Variants in INSL6 observed in about 807,000 individuals in gnomAD.
The protein encoded by INSL6 is insulin-like peptide INSL6.
A neutral mutation model predicts 9.4 loss-of-function variants in INSL6; 16 were observed. That is an observed-to-expected ratio of 1.70 (90% confidence interval 1.15 to 2.59). INSL6 has a LOEUF of 2.59. Among genes scored for constraint, INSL6 ranks in the 30% most tolerant of loss-of-function variants. The probability of loss-of-function intolerance (pLI) is 0.00; values close to 1 mark genes in which losing one functional copy is unlikely to be tolerated. For missense variants in INSL6, 391 were observed against 257.3 expected (o/e 1.52, Z -3.56); for synonymous variants, 154 against 96.9 (o/e 1.59, Z -3.46).
At chr9:5,135,154 A>T (rs1357613948) in intron 2 of INSL6, among the ~76,000 whole-genome samples, 3 of 152,186 alleles carry the variant, frequency 2.0e-5, no homozygotes, top group Non-Finnish European at 2.9e-5. Flanking sequence ...ATATATATGC[A>T]CCCAATACAG....
chr9:5,123,217 T>G (rs755327731), downstream of INSL6: 13 of 727,806 alleles, frequency 1.8e-5, no homozygotes, highest in South Asian at 2.5e-4. Flanking sequence ...CATGCATACA[T>G]TGCATAGTGG....
At chr9:5,141,754 T>A (rs1824505978) in intron 2 of INSL6, among the ~76,000 whole-genome samples, 2 of 152,226 alleles carry the variant, frequency 1.3e-5, no homozygotes, top group African/African-American at 4.8e-5. Flanking sequence ...TTGCTTTTGT[T>A]GCAATTGGTT....
chr9:5,167,444 T>G (rs1825080486), intron 1 of INSL6, among the ~76,000 whole-genome samples: 1 of 152,234 alleles, frequency 6.6e-6, no homozygotes, highest in Admixed American at 6.5e-5. Context: ...ATGATGCCAG[T>G]GCAGTTTGGA....
chr9:5,015,992 C>T, the INSL6 span, among the ~76,000 whole-genome samples: 1 of 152,164 alleles, frequency 6.6e-6, no homozygotes, highest in African/African-American at 2.4e-5. Flanking sequence ...CTATGCTATG[C>T]TTGCTGGGTT....
chr9:5,123,816 A>AT (rs2130856065), downstream of INSL6, among the ~76,000 whole-genome samples: 1 of 150,564 alleles, frequency 6.6e-6, no homozygotes, highest in East Asian at 2.0e-4. Context: ...AACATCTGTT[A>AT]TTTTTTCTCT....
At chr9:5,112,526 A>T in the INSL6 span, 1 of 585,430 alleles carries the variant, frequency 1.7e-6, no homozygotes. Flanking sequence ...CCAGAGCAGA[A>T]GGCCGAGTGG....
chr9:5,173,008 T>A (rs1825217122), intron 1 of INSL6, among the ~76,000 whole-genome samples: 1 of 151,594 alleles, frequency 6.6e-6, no homozygotes, highest in African/African-American at 2.4e-5. Context: ...AACAGACATT[T>A]GAAAAAAAAG....
the INSL6 span, among the ~76,000 whole-genome samples, chr9:5,093,877 A>G: frequency 6.6e-6 from 1 of 152,138 alleles, no homozygotes; most frequent in East Asian, 1.9e-4. Context: ...TTCAGACCAG[A>G]GTAATCCAGG....
the INSL6 span, among the ~76,000 whole-genome samples, chr9:5,036,851 A>C: frequency 2.0e-5 from 3 of 152,262 alleles, no homozygotes; most frequent in Non-Finnish European, 2.9e-5. Flanking sequence ...CAAAAGCCAG[A>C]ATTGACAAAT....
At chr9:5,153,818 A>G (rs1824762668) in intron 2 of INSL6, among the ~76,000 whole-genome samples, 1 of 152,216 alleles carries the variant, frequency 6.6e-6, no homozygotes, top group South Asian at 2.1e-4. Flanking sequence ...CAAGGAAATA[A>G]GAGAGGACAC....
chr9:5,112,041 C>T, the INSL6 span: 1 of 409,410 alleles, frequency 2.4e-6, no homozygotes, highest in South Asian at 1.8e-5. Context: ...TGCCTTATCA[C>T]CCAGCTACGA....
chr9:5,091,196 G>C, the INSL6 span: 1 of 223,674 alleles, frequency 4.5e-6, no homozygotes. Context: ...GTAATTATTA[G>C]TGGTGCTGTG....
At chr9:5,110,692 ATTACTC>A in the INSL6 span, 985 of 333,032 alleles carry the variant, frequency 3.0e-3, 14 homozygotes, top group African/African-American at 0.02. Context: ...AGCCCTTTCT[ATTACTC>A]TTACTGCCAC....
the INSL6 span, chr9:5,044,346 A>G: frequency 9.8e-7 from 1 of 1,017,958 alleles, no homozygotes; most frequent in Admixed American, 1.7e-5. Flanking sequence ...ATATATAGAT[A>G]GTACGTTTGT....
At chr9:5,034,617 A>G in the INSL6 span, among the ~76,000 whole-genome samples, 1 of 152,238 alleles carries the variant, frequency 6.6e-6, no homozygotes, top group South Asian at 2.1e-4. Context: ...TGGAAACTGA[A>G]CAACCTGCTC....
At chr9:5,064,525 C>CA in the INSL6 span, among the ~76,000 whole-genome samples, 1,690 of 84,438 alleles carry the variant, frequency 0.02, 15 homozygotes, top group African/African-American at 0.036. Flanking sequence ...GCAAGACTCT[C>CA]AAAAAAAAAA....
exon 4 of INSL6, among the ~76,000 whole-genome samples, chr9:5,124,426 T>C (rs967577203): frequency 6.6e-6 from 1 of 151,818 alleles, no homozygotes; most frequent in African/African-American, 2.4e-5. Context: ...CTTCTGCATA[T>C]GGCAATCCAA....
the INSL6 span, chr9:5,112,342 T>C: frequency 3.0e-6 from 1 of 328,992 alleles, no homozygotes; most frequent in Admixed American, 4.0e-5. Flanking sequence ...TCTCTTGGCC[T>C]TCCGACTCCT....
intron 3 of INSL6, among the ~76,000 whole-genome samples, chr9:5,133,166 G>A (rs965285552): frequency 2.0e-5 from 3 of 150,456 alleles, no homozygotes; most frequent in Non-Finnish European, 4.4e-5. Context: ...ATATTAGAGT[G>A]TCATGGTAGA....
Sources: allele counts gnomAD v4.1 joint callset (sites outside exome capture counted in the v4.1 genomes callset), GRCh38; gene constraint gnomAD v4.1.1; transcripts MANE v1.5; gene names NCBI Gene and HGNC (gene_info 2026-07-23, HGNC 2026-07-21).